The following ZSCAN25 variants were observed in gnomAD, a reference collection of about 807,000 sequenced individuals.
The protein encoded by ZSCAN25 is zinc finger and SCAN domain containing 25, also known as zinc finger and SCAN domain-containing protein 25.
In ZSCAN25, 27 loss-of-function variants were observed where a neutral mutation model predicts 38.7. The observed-to-expected ratio is 0.70, with a 90% CI of 0.51 to 0.96. The LOEUF (loss-of-function observed/expected upper bound fraction) is 0.96. ZSCAN25 is among the 40% of genes least tolerant of loss of function. The pLI, the probability that ZSCAN25 is intolerant of heterozygous loss-of-function variation, is 0.00. For synonymous variants in ZSCAN25, 273 were observed against 277.7 expected, an observed-to-expected ratio of 0.98 and a Z score of 0.17; for missense variants, 637 against 705.9, an observed-to-expected ratio of 0.90 and a Z score of 1.11.
chr7:99,731,195 T>C, the ZSCAN25 span: 1 of 1,610,328 alleles, frequency 6.2e-7, no homozygotes, highest in Non-Finnish European at 8.5e-7. Flanking sequence ...ATTGTGACTT[T>C]ATAGATATAG....
At chr7:99,722,624 C>A in the ZSCAN25 span, among the ~76,000 whole-genome samples, 1 of 152,150 alleles carries the variant, frequency 6.6e-6, no homozygotes, top group Non-Finnish European at 1.5e-5. Context: ...TTTCTGATGT[C>A]TCTTTGCTTT....
the ZSCAN25 span, chr7:99,662,747 A>G: frequency 7.0e-7 from 1 of 1,420,222 alleles, no homozygotes; most frequent in Admixed American, 1.7e-5. This position sits in a 1 kb window ranked among gnomAD's most constrained non-coding sequence, Gnocchi z 4.3. Flanking sequence ...TACTTCCTGC[A>G]CATTTTCAGA....
chr7:99,712,722 G>A, the ZSCAN25 span, among the ~76,000 whole-genome samples: 3 of 152,170 alleles, frequency 2.0e-5, no homozygotes, highest in African/African-American at 4.8e-5. Flanking sequence ...GCCAAAGTCA[G>A]CCTACTCCTG....
the ZSCAN25 span, among the ~76,000 whole-genome samples, chr7:99,711,355 A>T: frequency 6.6e-6 from 1 of 152,248 alleles, no homozygotes; most frequent in African/African-American, 2.4e-5. Flanking sequence ...GATGTATGGA[A>T]AATTAAAGGA....
At chr7:99,682,435 G>A in the ZSCAN25 span, among the ~76,000 whole-genome samples, 17 of 152,192 alleles carry the variant, frequency 1.1e-4, no homozygotes, top group African/African-American at 3.6e-4. Context: ...TGAGTTCACC[G>A]TAGGTGTGTG....
chr7:99,667,150 T>A, the ZSCAN25 span: 1 of 1,297,708 alleles, frequency 7.7e-7, no homozygotes, highest in East Asian at 2.4e-5. Flanking sequence ...GGCATCCTTA[T>A]TTAACAAATA....
At chr7:99,676,328 T>C in the ZSCAN25 span, 2 of 1,560,468 alleles carry the variant, frequency 1.3e-6, no homozygotes, top group Admixed American at 3.7e-5. Context: ...CGATAAATAA[T>C]AACAGCAACT....
Position 99,630,068 on chromosome 7 carries a change from G to C in ZSCAN25, c.*48G>C. On this transcript the variant is annotated 3_prime_UTR_variant, in exon 8 of 8. Transcript: ENST00000394152. ...CCATCATTCATCTTTCTCACTGCAG[G>C]GCCTTGCGGGGTGCAAGGTGATGGC... is the stretch of plus-strand genomic sequence containing the variant. 6.8e-7 allele frequency: 1 copy of C among 1,463,368 alleles called. No individual in the cohort carries two copies. Among genetic ancestry groups the C allele is most frequent in the Non-Finnish European group, 9.0e-7 (1 of 1,106,876 alleles). The allele number at this position is 1,463,368 out of a possible 1,614,324, so 90.6% of individuals were successfully genotyped here. A position where few individuals can be genotyped will look rare whatever the true frequency, so the allele number is the denominator to read the frequency against.
At chr7:99,726,632 A>C in the ZSCAN25 span, among the ~76,000 whole-genome samples, 1 of 152,160 alleles carries the variant, frequency 6.6e-6, no homozygotes, top group African/African-American at 2.4e-5. Flanking sequence ...TACTGCCACA[A>C]GGCTTCTGGG....
At chr7:99,652,886 C>T in the ZSCAN25 span, 46 of 784,042 alleles carry the variant, frequency 5.9e-5, no homozygotes, top group Non-Finnish European at 8.2e-5. Context: ...ATAACTCATA[C>T]TGGTAAATGA....
the ZSCAN25 span, among the ~76,000 whole-genome samples, chr7:99,726,035 A>T: frequency 6.6e-6 from 1 of 152,172 alleles, no homozygotes; most frequent in South Asian, 2.1e-4. Flanking sequence ...TTAGGCTGAG[A>T]TATTTTAACC....
chr7:99,656,812 G>A, the ZSCAN25 span, among the ~76,000 whole-genome samples: 1 of 152,196 alleles, frequency 6.6e-6, no homozygotes, highest in Non-Finnish European at 1.5e-5. Context: ...AGTCTTGGGA[G>A]AGTGTATGTG....
the ZSCAN25 span, chr7:99,650,278 C>T: frequency 6.3e-7 from 1 of 1,578,712 alleles, no homozygotes; most frequent in East Asian, 2.2e-5. Flanking sequence ...ACATAAAAAC[C>T]ACAGAGTTAC....
At chr7:99,710,506 G>A in the ZSCAN25 span, among the ~76,000 whole-genome samples, 2 of 152,206 alleles carry the variant, frequency 1.3e-5, no homozygotes, top group African/African-American at 4.8e-5. Flanking sequence ...TGTGGTAACA[G>A]AAAGCAGATG....
chr7:99,629,990 C>G lies in ZSCAN25; in HGVS notation c.1605C>G (p.Thr535=), dbSNP rs1321403405. The G allele has an allele frequency of 2.5e-6, 4 of 1,583,784 alleles. No individual in the cohort carries two copies. The highest frequency in any genetic ancestry group is 3.4e-6 in the Non-Finnish European group (4 of 1,165,266). Residue 535 remains threonine, a synonymous_variant, in exon 8 of 8, where the codon ACC becomes ACG. Coordinates refer to ENST00000394152, the MANE Select transcript of ZSCAN25 (RefSeq NM_145115.3). The surrounding 1 kb of genome is among the most constrained non-coding windows in gnomAD (Gnocchi z 5.6). ...CCATCCTCAACCGGCACCAGAAGAC[C>G]CAGCACCGCCAGGAGCCGCTGGTGC... ...QRSILNRHQK[T]QHRQEPLVQ
rs993305374 is a variant in ZSCAN25 at position 99,632,106 on chromosome 7, T to C, written c.*2086T>C. On this transcript the variant is annotated 3_prime_UTR_variant, in exon 8 of 8. Transcript: ENST00000394152. ...CAGCATTCCTCTGGGTTTCAGCAAGTTGGCATATCTTAAGCTTCAGAAGGA... is the reference window on the plus strand; with the variant it reads ...CAGCATTCCTCTGGGTTTCAGCAAGCTGGCATATCTTAAGCTTCAGAAGGA... 2 of 985,324 alleles carry C rather than the reference T, an allele frequency of 2.0e-6. No individual in the cohort carries two copies. Among genetic ancestry groups the C allele is most frequent in the African/African-American group, 1.7e-5 (1 of 57,240 alleles). The allele number at this position is 985,324 out of a possible 1,614,324, so 61.0% of individuals were successfully genotyped here. A position where few individuals can be genotyped will look rare whatever the true frequency, so the allele number is the denominator to read the frequency against.
At chr7:99,662,699 T>G in the ZSCAN25 span, 1 of 937,518 alleles carries the variant, frequency 1.1e-6, no homozygotes, top group South Asian at 1.5e-5. This position sits in a 1 kb window ranked among gnomAD's most constrained non-coding sequence, Gnocchi z 4.3. Context: ...AAATGTGTGT[T>G]GTTCTGCTAT....
At chr7:99,691,869 T>C in the ZSCAN25 span, among the ~76,000 whole-genome samples, 1 of 152,240 alleles carries the variant, frequency 6.6e-6, no homozygotes, top group African/African-American at 2.4e-5. Flanking sequence ...CTGTGTCTTT[T>C]AATTGGGGCA....
At chr7:99,732,316 G>A in the ZSCAN25 span, among the ~76,000 whole-genome samples, 1 of 152,228 alleles carries the variant, frequency 6.6e-6, no homozygotes, top group Non-Finnish European at 1.5e-5. Flanking sequence ...GGCAGAAGTC[G>A]CTATGCTTCC....
Sources: allele counts gnomAD v4.1 joint callset (sites outside exome capture counted in the v4.1 genomes callset), GRCh38; gene constraint gnomAD v4.1.1; non-coding constraint Gnocchi (gnomAD v3.1); transcripts MANE v1.5; gene names NCBI Gene and HGNC (gene_info 2026-07-23, HGNC 2026-07-21).